APBB2: variants seen among roughly 807,000 people sequenced by gnomAD.
APBB2 encodes the protein Fe65-like 1.
A neutral mutation model predicts 82.5 loss-of-function variants in APBB2; 38 were observed. That is an observed-to-expected ratio of 0.46 (90% CI 0.36 to 0.60). The LOEUF (loss-of-function observed/expected upper bound fraction) is 0.60. Ranked by LOEUF, APBB2 falls within the 20% of genes least tolerant of loss-of-function variation. The pLI, the probability that APBB2 is intolerant of heterozygous loss-of-function variation, is 0.00. For missense variants in APBB2, 772 were observed against 972.3 expected, an observed-to-expected ratio of 0.79 and a Z score of 2.74; for synonymous variants, 341 against 368.2, an observed-to-expected ratio of 0.93 and a Z score of 0.85.
chr4:40,825,798 C>T, intron 15 of APBB2, 89 bp downstream of exon 15: 1 of 954,996 alleles, frequency 1.0e-6, no homozygotes, highest in Non-Finnish European at 1.7e-6. Flanking sequence ...TGAGAGTAAA[C>T]AGCAGACCTC....
chr4:40,818,149 T>C (rs1746459130), intron 17 of APBB2, among the ~76,000 whole-genome samples: 1 of 152,226 alleles, frequency 6.6e-6, no homozygotes, highest in South Asian at 2.1e-4. Context: ...GATATTCACA[T>C]GGTATAAATT....
intron 3 of APBB2, among the ~76,000 whole-genome samples, chr4:41,073,529 AAAG>A (rs2153905935): frequency 6.6e-6 from 1 of 152,322 alleles, no homozygotes; most frequent in African/African-American, 2.4e-5. Context: ...TAAAATCAGC[AAAG>A]AAGCAATTTT....
intron 1 of APBB2, among the ~76,000 whole-genome samples, chr4:41,166,917 A>C (rs1766818367): frequency 6.6e-6 from 1 of 152,164 alleles, no homozygotes; most frequent in Admixed American, 6.5e-5. Flanking sequence ...TTTATACCAG[A>C]CCTTGCTCTT....
At chr4:40,950,290 G>T (rs1337108322) in intron 6 of APBB2, among the ~76,000 whole-genome samples, 1 of 152,220 alleles carries the variant, frequency 6.6e-6, no homozygotes, top group Non-Finnish European at 1.5e-5. Flanking sequence ...GTATTAACTA[G>T]TAAAGTGGAA....
At chr4:40,986,914 C>T (rs775118537) in intron 6 of APBB2, among the ~76,000 whole-genome samples, 16 of 152,054 alleles carry the variant, frequency 1.1e-4, no homozygotes, top group African/African-American at 3.4e-4. Flanking sequence ...CAAAGGAGTA[C>T]GACAGGAATG....
intron 1 of APBB2, among the ~76,000 whole-genome samples, chr4:41,197,671 C>A: frequency 1.3e-5 from 2 of 152,196 alleles, no homozygotes; most frequent in Non-Finnish European, 2.9e-5. Flanking sequence ...TCTATTCTGC[C>A]TTTGTTGCCT....
chr4:41,140,308 A>G (rs1395575668), intron 2 of APBB2, among the ~76,000 whole-genome samples: 1 of 152,226 alleles, frequency 6.6e-6, no homozygotes, highest in Non-Finnish European at 1.5e-5. Context: ...ATTATCTGCA[A>G]TTTACTTTAA....
chr4:41,001,792 C>A (rs112476054), intron 6 of APBB2, among the ~76,000 whole-genome samples: 1 of 151,708 alleles, frequency 6.6e-6, no homozygotes, highest in South Asian at 2.1e-4. Context: ...GCAGAAGAAT[C>A]GCTTGAACCC....
At chr4:41,005,886 T>G (rs1317517141) in intron 6 of APBB2, among the ~76,000 whole-genome samples, 1 of 152,212 alleles carries the variant, frequency 6.6e-6, no homozygotes, top group Non-Finnish European at 1.5e-5. Context: ...TAACTTCAAG[T>G]GCCCTAACAT....
chr4:40,915,212 CCT>C (rs973779325), intron 10 of APBB2, among the ~76,000 whole-genome samples: 2 of 152,168 alleles, frequency 1.3e-5, no homozygotes, highest in Non-Finnish European at 2.9e-5. Context: ...TACCTGCTTC[CCT>C]CTCTCATCTC....
At chr4:41,161,445 A>G (rs1055352959) in intron 1 of APBB2, among the ~76,000 whole-genome samples, 1 of 152,146 alleles carries the variant, frequency 6.6e-6, no homozygotes, top group East Asian at 1.9e-4. Flanking sequence ...TTCTCTACAA[A>G]AAATTTCAAA....
In APBB2 at chr4:41,042,399, T is replaced by C. The variant is rs116996100; in HGVS notation, c.-50-9095A>G. 3.5e-4 allele frequency among the ~76,000 whole-genome samples: 53 copies of C among 152,348 alleles called. 1 individual carries two copies. The East Asian group carries it at 9.4e-3, about 27-fold the overall frequency. ...TTTAAAATATGCTATTGGACAACTA[T>C]AGAGGACTAAGTTAATGACCCCAAT... On this transcript the variant is annotated intron_variant, in intron 4 of 17. Coordinates refer to ENST00000508593, the MANE Select transcript of APBB2 (RefSeq NM_004307.2).
intron 3 of APBB2, among the ~76,000 whole-genome samples, chr4:41,066,347 A>G (rs1731803586): frequency 6.6e-6 from 1 of 152,172 alleles, no homozygotes; most frequent in South Asian, 2.1e-4. Context: ...AAGTCGATTT[A>G]CTGTCAGTTG....
chr4:41,139,843 T>C (rs1413755475), intron 2 of APBB2, among the ~76,000 whole-genome samples: 3 of 152,220 alleles, frequency 2.0e-5, no homozygotes, highest in Non-Finnish European at 2.9e-5. Context: ...ATACAACTTA[T>C]ATATTTATGA....
In APBB2 at chr4:41,128,674, T is replaced by G. The variant is rs533883790; in HGVS notation, c.-261+14313A>C. Among the ~76,000 whole-genome samples the G allele has an allele frequency of 4.6e-5, 7 of 152,312 alleles. No homozygotes were observed. The South Asian group carries it at 1.5e-3, about 32-fold the overall frequency. The stretch of plus-strand genomic sequence containing the variant: ...ATCAGGCAGTGTTCTAGGGGCTGGA[T>G]ATACAGCAGTGAACAAACCAAACCT... On this transcript the variant is annotated intron_variant, in intron 2 of 17. Transcript: ENST00000508593.
chr4:40,968,139 G>A (rs1795108186), intron 6 of APBB2, among the ~76,000 whole-genome samples: 1 of 152,120 alleles, frequency 6.6e-6, no homozygotes, highest in Non-Finnish European at 1.5e-5. Flanking sequence ...TTTAAGGTTG[G>A]TGTCATCTTC....
At chr4:40,905,018 T>C (rs1215907393) in intron 10 of APBB2, among the ~76,000 whole-genome samples, 1 of 151,814 alleles carries the variant, frequency 6.6e-6, no homozygotes, top group Non-Finnish European at 1.5e-5. Context: ...AACTTAACTT[T>C]CCCCCTTCCT....
In APBB2 at chr4:40,832,819, T is replaced by C. The variant is rs536135050; in HGVS notation, c.1530-2242A>G. 2.0e-5 allele frequency among the ~76,000 whole-genome samples: 3 copies of C among 152,280 alleles called. No individual in the cohort carries two copies. The highest frequency in any genetic ancestry group is 1.9e-4 in the East Asian group (1 of 5,174). On this transcript the variant is annotated intron_variant, in intron 12 of 17. Coordinates refer to ENST00000508593, the MANE Select transcript of APBB2 (RefSeq NM_004307.2). This position sits in a 1 kb window ranked among gnomAD's most constrained non-coding sequence, Gnocchi z 4.8. ...GTGCCTAACTCATCCCAGCGTCTAGTTCAGGCCTGGCGTATCACCGGTACT... is the reference window on the plus strand; with the variant it reads ...GTGCCTAACTCATCCCAGCGTCTAGCTCAGGCCTGGCGTATCACCGGTACT...
intron 6 of APBB2, among the ~76,000 whole-genome samples, chr4:41,005,463 T>A (rs899287615): frequency 6.6e-6 from 1 of 152,232 alleles, no homozygotes; most frequent in Non-Finnish European, 1.5e-5. Context: ...TAGCTCATGA[T>A]GAAATTTGAC....
Sources: allele counts gnomAD v4.1 joint callset (sites outside exome capture counted in the v4.1 genomes callset), GRCh38; gene constraint gnomAD v4.1.1; non-coding constraint Gnocchi (gnomAD v3.1); transcripts MANE v1.5; gene names NCBI Gene and HGNC (gene_info 2026-07-23, HGNC 2026-07-21).